The following MYT1L variants were observed in gnomAD, a reference collection of about 807,000 sequenced individuals.
MYT1L encodes myelin transcription factor 1 like.
MYT1L carries 12 observed loss-of-function variants against 126.7 expected under a neutral mutation model. That is an observed-to-expected ratio of 0.09 (90% CI 0.06 to 0.15). The LOEUF (loss-of-function observed/expected upper bound fraction) is 0.15. Among genes scored for constraint, MYT1L ranks in the 10% least tolerant of loss-of-function variants. The pLI is 1.00. For missense variants in MYT1L, 979 were observed against 1,585.2 expected (o/e 0.62, Z 6.49); for synonymous variants, 541 against 604.2 (o/e 0.90, Z 1.53).
At chr2:1,824,010 G>A (rs749023242) in intron 21 of MYT1L, among the ~76,000 whole-genome samples, 11 of 152,150 alleles carry the variant, frequency 7.2e-5, no homozygotes, top group African/African-American at 2.7e-4. Flanking sequence ...CCCCCCCAGC[G>A]GGGCCGCCGG....
intron 2 of MYT1L, among the ~76,000 whole-genome samples, chr2:2,239,735 A>C (rs2094399808): frequency 6.6e-6 from 1 of 152,198 alleles, no homozygotes; most frequent in South Asian, 2.1e-4. Context: ...AAACTATAGC[A>C]AACCAATAAA....
At chr2:2,021,600 A>G (rs1282814347) in intron 4 of MYT1L, among the ~76,000 whole-genome samples, 1 of 152,192 alleles carries the variant, frequency 6.6e-6, no homozygotes. Flanking sequence ...GCATTCATTA[A>G]ATGTGTAAGT....
intron 8 of MYT1L, chr2:1,974,803 G>C (rs2060047077): frequency 1.3e-5 from 2 of 152,086 alleles, no homozygotes; most frequent in Admixed American, 1.3e-4. Context: ...TAAGACCCCC[G>C]ATGTATCCTG....
At chr2:2,316,739 A>C (rs540721871) in intron 1 of MYT1L, among the ~76,000 whole-genome samples, 1 of 152,308 alleles carries the variant, frequency 6.6e-6, no homozygotes, top group Admixed American at 6.5e-5. Context: ...AAAATAACTT[A>C]AGGGAAAGTT....
At position 1,887,663 on chromosome 2, in the gene MYT1L, C is replaced by T; in HGVS notation, c.2521-54G>A. ...CACGGATGATCACATGGCACACAGA[C>T]TGAGGGAGGTGGTTCGTGGCTCTGG... is the stretch of plus-strand genomic sequence containing the variant. On this transcript the variant is annotated intron_variant, in intron 16 of 24. Transcript: ENST00000647738. This position sits in a 1 kb window ranked among gnomAD's most constrained non-coding sequence, Gnocchi z 4.8. 1 of 1,612,148 alleles carries T rather than the reference C, an allele frequency of 6.2e-7. No homozygotes were observed. The highest frequency in any genetic ancestry group is 8.5e-7 in the Non-Finnish European group (1 of 1,178,750).
chr2:1,961,539 C>G (rs1312250238), intron 8 of MYT1L, among the ~76,000 whole-genome samples: 1 of 152,218 alleles, frequency 6.6e-6, no homozygotes, highest in Non-Finnish European at 1.5e-5. Flanking sequence ...GCATAAGACG[C>G]GTGTGCTGGG....
chr2:1,796,874 G>C (rs766107243), intron 23 of MYT1L, among the ~76,000 whole-genome samples: 9 of 152,130 alleles, frequency 5.9e-5, no homozygotes, highest in South Asian at 4.1e-4. Flanking sequence ...CACAAATGCC[G>C]CTTGCCCAGG....
chr2:2,238,897 G>T (rs1443696480), intron 2 of MYT1L, among the ~76,000 whole-genome samples: 1 of 152,074 alleles, frequency 6.6e-6, no homozygotes, highest in Non-Finnish European at 1.5e-5. Flanking sequence ...TTGGTCTCTT[G>T]TGATGTGGAA....
intron 1 of MYT1L, among the ~76,000 whole-genome samples, chr2:2,327,537 C>A (rs2551213): frequency 0.99 from 151,491 of 152,334 alleles, 75,329 homozygotes; most frequent in Middle Eastern, 1. Flanking sequence ...CATCATTGCG[C>A]TCAAATTACG....
Position 1,892,119 on chromosome 2 carries a change from G to A in MYT1L, c.2201C>T (p.Thr734Ile). The change falls in exon 15 of 25, where the codon ACC becomes ATC. Residue 734 changes from threonine (T) to isoleucine (I), a missense_variant. Physicochemically the swap from Thr to Ile is moderately conservative, Grantham distance 89 (BLOSUM62 -1). Coordinates refer to ENST00000647738, the MANE Select transcript of MYT1L (RefSeq NM_001303052.2). ...HDMEAAHMAA[T>I]AILNLSTRCR... ...GCGCGTGGACAGGTTGAGGATGGCG[G>A]TGGCCGCCATGTGGGCCGCCTCCAT... is the stretch of plus-strand genomic sequence containing the variant. The A allele has an allele frequency of 6.5e-7, 1 of 1,546,580 alleles. No individual in the cohort carries two copies. The highest frequency in any genetic ancestry group is 8.7e-7 in the Non-Finnish European group (1 of 1,146,624).
At chr2:2,122,463 G>A (rs139919457) in intron 3 of MYT1L, among the ~76,000 whole-genome samples, 3 of 152,260 alleles carry the variant, frequency 2.0e-5, no homozygotes, top group African/African-American at 7.2e-5. Context: ...TAGACTACAC[G>A]AAGGGGTAGG....
At position 2,120,099 on chromosome 2, in the gene MYT1L, A is replaced by G. The variant is rs567710540; in HGVS notation, c.-304+52773T>C. 1.0e-3 allele frequency among the ~76,000 whole-genome samples: 155 copies of G among 152,292 alleles called. 1 individual carries two copies. Among genetic ancestry groups the G allele is most frequent in the Middle Eastern group, 3.4e-3 (1 of 292 alleles). ...GTTAGGATGCCGTTCTTTGCCCCCC[A>G]TGGTAACAGAGTTTTAGTCTAGATC... is the stretch of plus-strand genomic sequence containing the variant. On this transcript the variant is annotated intron_variant, in intron 3 of 24. Coordinates refer to ENST00000647738, the MANE Select transcript of MYT1L (RefSeq NM_001303052.2).
Position 1,923,118 on chromosome 2 carries a change from G to A in MYT1L, c.651C>T (p.Tyr217=), listed in dbSNP as rs373803074. The A allele has an allele frequency of 2.0e-5, 32 of 1,613,880 alleles. No individual in the cohort carries two copies. Among genetic ancestry groups the A allele is most frequent in the Non-Finnish European group, 2.5e-5 (29 of 1,179,908 alleles). The part of the protein sequence containing the change: ...NLGKIAEDAA[Y]RARTESEMNS... ...TCATTTCTGACTCAGTCCTGGCCCG[G>A]TAGGCTGCATCCTCAGCGATTTTGC... is the stretch of plus-strand genomic sequence containing the variant. The change falls in exon 10 of 25, where the codon TAC becomes TAT. Residue 217 remains tyrosine (Y), a synonymous_variant. Coordinates refer to ENST00000647738, the MANE Select transcript of MYT1L (RefSeq NM_001303052.2).
At chr2:2,219,281 T>G (rs533061929) in intron 2 of MYT1L, among the ~76,000 whole-genome samples, 4 of 152,098 alleles carry the variant, frequency 2.6e-5, no homozygotes, top group Non-Finnish European at 5.9e-5. Context: ...GCCCAGGATA[T>G]GGGAAAAAGA....
Position 2,060,781 on chromosome 2 carries a change from CTTCCT to C in MYT1L, c.-303-6663_-303-6659del, listed in dbSNP as rs1182467468. On this transcript the variant is annotated intron_variant, in intron 3 of 24. Coordinates refer to ENST00000647738, the MANE Select transcript of MYT1L (RefSeq NM_001303052.2). Reference sequence around the variant, plus strand: ...CTTCCTCTCTCCCTCCCTCTCTATTCTTCCTTTCCTTTCCTTTCCTTTCCTCTTCT... The same window carrying C: ...CTTCCTCTCTCCCTCCCTCTCTATTCTTCCTTTCCTTTCCTTTCCTCTTCT... 2.3e-3 allele frequency among the ~76,000 whole-genome samples: 330 copies of C among 143,722 alleles called. 1 individual carries two copies. The highest frequency in any genetic ancestry group is 0.012 in the South Asian group (51 of 4,316). 94.3% of individuals were successfully genotyped at this position (143,722 alleles called of 152,430 possible). A position where few individuals can be genotyped will look rare whatever the true frequency, so the allele number is the denominator to read the frequency against.
chr2:2,031,581 ACCC>A (rs201686163), intron 4 of MYT1L, among the ~76,000 whole-genome samples: 1 of 139,794 alleles, frequency 7.2e-6, no homozygotes, highest in African/African-American at 2.8e-5. Context: ...CCTTACACAC[ACCC>A]CTCGCCAGTG....
At position 2,053,993 on chromosome 2, in the gene MYT1L, C is replaced by T. The variant is rs935414740; in HGVS notation, c.-173G>A. 6 of 152,666 alleles carry T rather than the reference C, an allele frequency of 3.9e-5. No homozygotes were observed. Among genetic ancestry groups the T allele is most frequent in the East Asian group, 1.9e-4 (1 of 5,196 alleles). The allele number at this position is 152,666 out of a possible 1,614,324, so 9.5% of individuals were successfully genotyped here. Reference sequence around the variant, plus strand: ...AGTTCCTCACCTTTAGGTGGCTCCTCGGATATCCATACGTCTGTGAGACCA... The same window carrying T: ...AGTTCCTCACCTTTAGGTGGCTCCTTGGATATCCATACGTCTGTGAGACCA... On this transcript the variant is annotated 5_prime_UTR_variant, in exon 4 of 25. Transcript: ENST00000647738.
At chr2:2,323,503 G>T (rs1218623981) in intron 1 of MYT1L, among the ~76,000 whole-genome samples, 2 of 152,078 alleles carry the variant, frequency 1.3e-5, no homozygotes, top group Non-Finnish European at 2.9e-5. Flanking sequence ...TATTAAAACA[G>T]GATAGAACTA....
intron 4 of MYT1L, among the ~76,000 whole-genome samples, chr2:2,043,500 G>A (rs1197286009): frequency 1.3e-5 from 2 of 152,122 alleles, no homozygotes; most frequent in African/African-American, 4.8e-5. Flanking sequence ...TCATAAACGC[G>A]GTGCTTTCTC....
Sources: allele counts gnomAD v4.1 joint callset (sites outside exome capture counted in the v4.1 genomes callset), GRCh38; gene constraint gnomAD v4.1.1; non-coding constraint Gnocchi (gnomAD v3.1); transcripts MANE v1.5; gene names NCBI Gene and HGNC (gene_info 2026-07-23, HGNC 2026-07-21).